Variants in MARCHF11 observed in about 807,000 individuals in gnomAD.
MARCHF11 encodes the protein E3 ubiquitin-protein ligase MARCHF11.
In MARCHF11, 29 loss-of-function variants were observed where a neutral mutation model predicts 37.3. That is an observed-to-expected ratio of 0.78 (90% CI 0.58 to 1.06). The LOEUF (loss-of-function observed/expected upper bound fraction) is 1.06. MARCHF11 is among the 50% of genes least tolerant of loss of function. The pLI is 0.00. For synonymous variants in MARCHF11, 233 were observed against 228.0 expected, an observed-to-expected ratio of 1.02 and a Z score of -0.20; for missense variants, 482 against 533.4, an observed-to-expected ratio of 0.90 and a Z score of 0.95.
chr5:16,159,261 A>C (rs1277458437), intron 2 of MARCHF11, among the ~76,000 whole-genome samples: 1 of 151,986 alleles, frequency 6.6e-6, no homozygotes, highest in East Asian at 1.9e-4. Flanking sequence ...TCCTGCTCCT[A>C]AAGTCAGTTT....
chr5:16,148,028 A>T (rs2126595951), intron 2 of MARCHF11, among the ~76,000 whole-genome samples: 1 of 152,204 alleles, frequency 6.6e-6, no homozygotes, highest in Admixed American at 6.5e-5. Flanking sequence ...CCAACACATC[A>T]TGGGGGAATT....
chr5:16,076,569 C>T (rs1736521594), intron 3 of MARCHF11, among the ~76,000 whole-genome samples: 1 of 152,140 alleles, frequency 6.6e-6, no homozygotes, highest in South Asian at 2.1e-4. Context: ...AAACACCTTG[C>T]AGCAAAGGGG....
chr5:16,157,729 C>G (rs1387311381), intron 2 of MARCHF11, among the ~76,000 whole-genome samples: 1 of 151,840 alleles, frequency 6.6e-6, no homozygotes, highest in Non-Finnish European at 1.5e-5. Flanking sequence ...ATCTGTAAAC[C>G]TGCTAGAAGA....
At chr5:16,113,274 A>G (rs929678233) in intron 2 of MARCHF11, among the ~76,000 whole-genome samples, 2 of 152,150 alleles carry the variant, frequency 1.3e-5, no homozygotes, top group African/African-American at 4.8e-5. Flanking sequence ...TCAGCATTGG[A>G]GAGTAGAGGA....
chr5:16,159,705 C>T (rs543416510), intron 2 of MARCHF11, among the ~76,000 whole-genome samples: 2 of 151,790 alleles, frequency 1.3e-5, no homozygotes, highest in Admixed American at 6.6e-5. Context: ...GAGCCATTTT[C>T]AGGGATTCAC....
chr5:16,113,257 AT>A (rs918304221), intron 2 of MARCHF11, among the ~76,000 whole-genome samples: 1 of 152,164 alleles, frequency 6.6e-6, no homozygotes, highest in Admixed American at 6.5e-5. Flanking sequence ...TTGTAACATA[AT>A]TTTTTTCAGC....
chr5:16,151,054 C>G (rs1255126237), intron 2 of MARCHF11, among the ~76,000 whole-genome samples: 1 of 152,008 alleles, frequency 6.6e-6, no homozygotes, highest in Non-Finnish European at 1.5e-5. Flanking sequence ...CTAGCTATTG[C>G]TCTATATTCA....
chr5:16,119,873 C>CAATG (rs1281401868), intron 2 of MARCHF11, among the ~76,000 whole-genome samples: 1 of 152,164 alleles, frequency 6.6e-6, no homozygotes, highest in Non-Finnish European at 1.5e-5. Flanking sequence ...ATGCAGAATG[C>CAATG]AATGAAGTCA....
intron 2 of MARCHF11, among the ~76,000 whole-genome samples, chr5:16,137,007 T>C (rs1255728791): frequency 2.0e-5 from 3 of 151,762 alleles, no homozygotes; most frequent in Non-Finnish European, 4.4e-5. Context: ...AAATATAAAA[T>C]CAAATCTAGA....
intron 3 of MARCHF11, among the ~76,000 whole-genome samples, chr5:16,087,590 T>C (rs951855106): frequency 2.0e-5 from 3 of 152,224 alleles, no homozygotes; most frequent in South Asian, 2.1e-4. Flanking sequence ...TTAGCTGCTG[T>C]CAATAGAATT....
chr5:16,135,955 C>A (rs567942184), intron 2 of MARCHF11, among the ~76,000 whole-genome samples: 1 of 148,314 alleles, frequency 6.7e-6, no homozygotes, highest in African/African-American at 2.5e-5. Context: ...GCACAGAGGG[C>A]GAGAAAGAGC....
intron 2 of MARCHF11, among the ~76,000 whole-genome samples, chr5:16,172,266 T>C (rs1198848584): frequency 6.6e-6 from 1 of 152,232 alleles, no homozygotes; most frequent in African/African-American, 2.4e-5. Context: ...CGGATTCTTA[T>C]GTTTTGAAAA....
intron 3 of MARCHF11, among the ~76,000 whole-genome samples, chr5:16,088,909 G>C (rs1736743875): frequency 6.6e-6 from 1 of 152,030 alleles, no homozygotes; most frequent in Non-Finnish European, 1.5e-5. Flanking sequence ...TAAGAAATTT[G>C]ACTTTATAAA....
chr5:16,085,849 A>G (rs192431406), intron 3 of MARCHF11, among the ~76,000 whole-genome samples: 164 of 143,424 alleles, frequency 1.1e-3, no homozygotes, highest in African/African-American at 3.8e-3. Flanking sequence ...CTGAGGCAGG[A>G]TAATGGCATG....
intron 2 of MARCHF11, among the ~76,000 whole-genome samples, chr5:16,104,953 C>A (rs1737014748): frequency 6.6e-6 from 1 of 152,072 alleles, no homozygotes; most frequent in Non-Finnish European, 1.5e-5. Context: ...ATCCCACATC[C>A]CACAGTGCCT....
chr5:16,172,852 C>T (rs1324947536), intron 2 of MARCHF11, among the ~76,000 whole-genome samples: 1 of 152,268 alleles, frequency 6.6e-6, no homozygotes, highest in East Asian at 1.9e-4. Flanking sequence ...GGAAGCTGTA[C>T]CTAAGAAGGA....
chr5:16,085,768 C>T (rs187352133), intron 3 of MARCHF11, among the ~76,000 whole-genome samples: 2,270 of 151,568 alleles, frequency 0.015, 44 homozygotes, highest in African/African-American at 0.051. Context: ...CTGGCTAACA[C>T]GGTGAAACCC....
intron 2 of MARCHF11, among the ~76,000 whole-genome samples, chr5:16,094,422 G>T (rs1382147103): frequency 6.6e-6 from 1 of 152,134 alleles, no homozygotes; most frequent in Non-Finnish European, 1.5e-5. Context: ...CCAAAGGCCA[G>T]GATTTAAGTT....
chr5:16,179,725 T>G lies in MARCHF11; in HGVS notation c.-150A>C, dbSNP rs540145920. On this transcript the variant is annotated 5_prime_UTR_variant, in exon 1 of 4. Coordinates refer to ENST00000332432, the MANE Select transcript of MARCHF11 (RefSeq NM_001102562.3). The stretch of plus-strand genomic sequence containing the variant: ...GCTAGGGGGCGGGACGGGGAGGGGA[T>G]GCGGAAGGTTCTGCAGCTGCGGCGG... 7.8e-4 allele frequency: 274 copies of G among 351,596 alleles called. No homozygotes were observed. Among genetic ancestry groups the G allele is most frequent in the Admixed American group, 2.1e-3 (37 of 17,364 alleles). 21.8% of individuals were successfully genotyped at this position (351,596 alleles called of 1,614,324 possible).
Sources: gnomAD v4.1 joint callset for allele counts (sites outside exome capture counted in the v4.1 genomes callset) on GRCh38, gnomAD v4.1.1 for gene constraint, MANE v1.5 for transcripts, NCBI Gene and HGNC (gene_info 2026-07-23, HGNC 2026-07-21) for gene names.